Variants in VAC14 observed in about 807,000 individuals in gnomAD.
VAC14 encodes VAC14 component of PIKFYVE complex, also known as protein VAC14 homolog.
A neutral mutation model predicts 85.3 loss-of-function variants in VAC14; 47 were observed. That is an observed-to-expected ratio of 0.55 (90% CI 0.44 to 0.70). VAC14 has a LOEUF of 0.70. Among genes scored for constraint, VAC14 ranks in the 30% least tolerant of loss-of-function variants. The pLI, the probability that VAC14 is intolerant of heterozygous loss-of-function variation, is 0.00. For synonymous variants in VAC14, 447 were observed against 430.5 expected, an observed-to-expected ratio of 1.04 and a Z score of -0.47; for missense variants, 861 against 1,004.3, an observed-to-expected ratio of 0.86 and a Z score of 1.93.
intron 12 of VAC14, among the ~76,000 whole-genome samples, chr16:70,760,433 A>T (rs1374274674): frequency 6.6e-6 from 1 of 152,150 alleles, no homozygotes; most frequent in African/African-American, 2.4e-5. Context: ...TAGGAATGTG[A>T]TTCTGGAAAG....
chr16:70,743,820 G>T (rs565896106), intron 13 of VAC14, among the ~76,000 whole-genome samples: 1 of 152,314 alleles, frequency 6.6e-6, no homozygotes, highest in South Asian at 2.1e-4. Flanking sequence ...GTGTCCTCAG[G>T]CATTTTCCAG....
intron 12 of VAC14, among the ~76,000 whole-genome samples, chr16:70,759,476 A>T (rs1174814250): frequency 6.6e-6 from 1 of 152,004 alleles, no homozygotes; most frequent in African/African-American, 2.4e-5. Context: ...AAAATGCAAA[A>T]AGTTAGTCAG....
chr16:70,742,971 C>G (rs1017032798), intron 13 of VAC14, among the ~76,000 whole-genome samples: 1 of 151,896 alleles, frequency 6.6e-6, no homozygotes, highest in African/African-American at 2.4e-5. Flanking sequence ...ATGCACCAAT[C>G]AGCACTCTGT....
At chr16:70,746,745 G>A (rs1323324561) in intron 12 of VAC14, among the ~76,000 whole-genome samples, 5 of 152,192 alleles carry the variant, frequency 3.3e-5, no homozygotes, top group South Asian at 2.1e-4. Flanking sequence ...ATGACGCCGC[G>A]GTCCTGCCCG....
chr16:70,787,509 C>T (rs964493793), intron 1 of VAC14, among the ~76,000 whole-genome samples: 1 of 151,994 alleles, frequency 6.6e-6, no homozygotes, highest in Non-Finnish European at 1.5e-5. Flanking sequence ...AGTGGAGGAG[C>T]TGAGGGAGGC....
intron 14 of VAC14, among the ~76,000 whole-genome samples, chr16:70,707,454 T>C (rs796093867): frequency 3.9e-5 from 6 of 152,264 alleles, no homozygotes; most frequent in African/African-American, 1.4e-4. Flanking sequence ...TTCAGTCCTC[T>C]TAGCCATCTG....
intron 12 of VAC14, among the ~76,000 whole-genome samples, chr16:70,757,681 C>G (rs144463443): frequency 6.6e-6 from 1 of 152,188 alleles, no homozygotes; most frequent in African/African-American, 2.4e-5. Context: ...AGGGAGGACC[C>G]GGAGCAGATG....
At position 70,762,530 on chromosome 16, in the gene VAC14, G is replaced by T; in HGVS notation, c.1371+10C>A. Reference sequence around the variant, plus strand: ...ATGTTCCATAAGTACGGGTGGCGTTGGTGACCTACCTCATCCGATTCATCC... The same window carrying T: ...ATGTTCCATAAGTACGGGTGGCGTTTGTGACCTACCTCATCCGATTCATCC... On this transcript the variant is annotated intron_variant, in intron 12 of 18. Transcript: ENST00000261776. The surrounding 1 kb of genome is among the most constrained non-coding windows in gnomAD (Gnocchi z 4.1). The T allele has an allele frequency of 6.2e-7, 1 of 1,613,908 alleles. No homozygotes were observed. Among genetic ancestry groups the T allele is most frequent in the South Asian group, 1.1e-5 (1 of 91,042 alleles).
At chr16:70,800,728 G>C (rs1314946938) in intron 1 of VAC14, 69 bp downstream of exon 1, 5 of 1,405,884 alleles carry the variant, frequency 3.6e-6, no homozygotes, top group Non-Finnish European at 5.0e-6. Context: ...GGGAAGGCGT[G>C]AGAAGTCCCC....
At chr16:70,761,253 G>GGACTGGTGA in intron 12 of VAC14, 1 of 451,072 alleles carries the variant, frequency 2.2e-6, no homozygotes, top group Non-Finnish European at 4.4e-6. Context: ...CACTCCATGG[G>GGACTGGTGA]GACTGGTGAG....
In VAC14 at chr16:70,762,490, G is replaced by T. The variant is rs1377615892; in HGVS notation, c.1371+50C>A. 6.4e-7 allele frequency: 1 copy of T among 1,562,312 alleles called. No homozygotes were observed. Among genetic ancestry groups the T allele is most frequent in the Non-Finnish European group, 8.8e-7 (1 of 1,134,472 alleles). ...AGCATATCTCAGTCACTAACAAGGG[G>T]AGGCAGGGCAGCCGATGTTCCATAA... On this transcript the variant is annotated intron_variant, in intron 12 of 18. Transcript: ENST00000261776. This position sits in a 1 kb window ranked among gnomAD's most constrained non-coding sequence, Gnocchi z 4.1.
chr16:70,754,030 G>A (rs2031623118), intron 12 of VAC14, among the ~76,000 whole-genome samples: 1 of 152,120 alleles, frequency 6.6e-6, no homozygotes, highest in South Asian at 2.1e-4. Context: ...CACCCTCCTG[G>A]CCCCCAATCC....
chr16:70,745,677 C>A (rs1480593668), intron 12 of VAC14, among the ~76,000 whole-genome samples: 1 of 152,238 alleles, frequency 6.6e-6, no homozygotes, highest in Non-Finnish European at 1.5e-5. Context: ...TTGCTCTGGG[C>A]TAGGGACTAT....
chr16:70,690,021 C>T (rs2053568553), intron 18 of VAC14: 3 of 985,418 alleles, frequency 3.0e-6, no homozygotes, highest in Non-Finnish European at 3.6e-6. Flanking sequence ...CGTTGCTCCC[C>T]ATGACACTCC....
At chr16:70,700,630 C>G (rs2053806871) in intron 14 of VAC14, among the ~76,000 whole-genome samples, 2 of 152,198 alleles carry the variant, frequency 1.3e-5, no homozygotes, top group Non-Finnish European at 2.9e-5. Flanking sequence ...AGAGGGAAAG[C>G]CCAGCCAGGC....
intron 14 of VAC14, among the ~76,000 whole-genome samples, chr16:70,722,757 G>T (rs2054326646): frequency 6.6e-6 from 1 of 152,192 alleles, no homozygotes; most frequent in Non-Finnish European, 1.5e-5. Context: ...CTAGGGGCCA[G>T]TTCCAAACCT....
At chr16:70,759,928 T>C (rs1346980753) in intron 12 of VAC14, among the ~76,000 whole-genome samples, 1 of 152,052 alleles carries the variant, frequency 6.6e-6, no homozygotes, top group Non-Finnish European at 1.5e-5. Context: ...TGTGTGCAGG[T>C]CATGTGACCT....
chr16:70,731,661 T>C lies in VAC14; in HGVS notation c.1529-34A>G, dbSNP rs1211639860. On this transcript the variant is annotated intron_variant, in intron 13 of 18. Coordinates refer to ENST00000261776, the MANE Select transcript of VAC14 (RefSeq NM_018052.5). ...AAAGGGATAGAGCCAGCATTTATTC[T>C]GATTATGTGTCCACAGGGTGATGAG... 8.1e-6 allele frequency: 13 copies of C among 1,607,438 alleles called. No homozygotes were observed. The Admixed American group carries it at 2.2e-4, about 27-fold the overall frequency.
rs1207070945 is a variant in VAC14 at position 70,785,626 on chromosome 16, G to A, written c.423+76C>T. On this transcript the variant is annotated intron_variant, in intron 3 of 18. Transcript: ENST00000261776. ...GCTCTGCTTGCATCTGGGAAAAGGG[G>A]TCCAAGGTTCCAGAAGGTCAAGTGA... 5 of 1,470,390 alleles carry A rather than the reference G, an allele frequency of 3.4e-6. No homozygotes were observed. In the South Asian group the frequency reaches 4.2e-5, roughly 12 times the overall value. The allele number at this position is 1,470,390 out of a possible 1,614,324, so 91.1% of individuals were successfully genotyped here. A position where few individuals can be genotyped will look rare whatever the true frequency, so the allele number is the denominator to read the frequency against.
Sources: gnomAD v4.1 joint callset for allele counts (sites outside exome capture counted in the v4.1 genomes callset) on GRCh38, gnomAD v4.1.1 for gene constraint, Gnocchi (gnomAD v3.1) non-coding constraint, MANE v1.5 for transcripts, NCBI Gene and HGNC (gene_info 2026-07-23, HGNC 2026-07-21) for gene names.